Variants in ESR1 observed in about 807,000 individuals in gnomAD.
ESR1 encodes the protein estrogen receptor 1.
In ESR1, 12 loss-of-function variants were observed where a neutral mutation model predicts 52.7. The observed-to-expected ratio is 0.23, with a 90% CI of 0.15 to 0.37. The LOEUF (loss-of-function observed/expected upper bound fraction) is 0.37. ESR1 is among the 10% of genes least tolerant of loss of function. ESR1 has a pLI of 1.00. For synonymous variants in ESR1, 305 were observed against 316.8 expected (o/e 0.96, Z 0.39); for missense variants, 584 against 779.7 (o/e 0.75, Z 2.99).
At chr6:151,961,430 G>C (rs1157000277) in intron 4 of ESR1, among the ~76,000 whole-genome samples, 1 of 152,116 alleles carries the variant, frequency 6.6e-6, no homozygotes, top group Admixed American at 6.6e-5. Flanking sequence ...GGAGGGGGTG[G>C]AGATATACTT....
chr6:151,896,930 T>C (rs576836036), intron 3 of ESR1, among the ~76,000 whole-genome samples: 17 of 152,336 alleles, frequency 1.1e-4, no homozygotes, highest in Admixed American at 9.8e-4. Flanking sequence ...CTTGATTTCA[T>C]TGTTGACCCA....
At chr6:151,667,705 G>A (rs984135827) in intron 1 of ESR1, among the ~76,000 whole-genome samples, 1 of 152,170 alleles carries the variant, frequency 6.6e-6, no homozygotes, top group African/African-American at 2.4e-5. Flanking sequence ...TTGTTTGCAG[G>A]GAGAGGAAGA....
intron 2 of ESR1, among the ~76,000 whole-genome samples, chr6:151,750,731 GAT>G (rs1783837505): frequency 2.0e-5 from 3 of 152,198 alleles, no homozygotes; most frequent in East Asian, 1.9e-4. Flanking sequence ...AATTTTTGAA[GAT>G]ACGGGACTTG....
Position 151,714,011 on chromosome 6 carries a change from C to T in ESR1, c.-71+12006C>T, listed in dbSNP as rs1780830664. On this transcript the variant is annotated intron_variant, in intron 2 of 2. Transcript: ENST00000404742. ...AATTTCCCTCTAAACACTGCTTTAG[C>T]TGTGTCCCAGAGATTCTGGTATGTT... 3.3e-5 allele frequency among the ~76,000 whole-genome samples: 5 copies of T among 152,148 alleles called. 1 individual carries two copies.
intron 4 of ESR1, among the ~76,000 whole-genome samples, chr6:151,954,180 T>G (rs548420238): frequency 1.3e-5 from 2 of 152,354 alleles, no homozygotes; most frequent in Admixed American, 1.3e-4. Flanking sequence ...TCAATTCTGT[T>G]GCCTTGGTTA....
chr6:151,987,658 C>A (rs1244033400), intron 4 of ESR1, among the ~76,000 whole-genome samples: 1 of 152,128 alleles, frequency 6.6e-6, no homozygotes, highest in Admixed American at 6.5e-5. Context: ...TCTCATCCTG[C>A]AGCCTGGGTC....
At chr6:151,700,484 A>G (rs1779686873) in intron 1 of ESR1, among the ~76,000 whole-genome samples, 1 of 152,138 alleles carries the variant, frequency 6.6e-6, no homozygotes, top group Admixed American at 6.5e-5. Context: ...TAAAAACACA[A>G]CTACCAAAGT....
intron 6 of ESR1, among the ~76,000 whole-genome samples, chr6:152,120,470 G>A (rs1000891719): frequency 6.6e-6 from 1 of 152,136 alleles, no homozygotes; most frequent in African/African-American, 2.4e-5. Context: ...CGTGTTCCCT[G>A]TGGAACACGA....
chr6:152,052,295 G>A (rs1022557106), intron 5 of ESR1, among the ~76,000 whole-genome samples: 1 of 152,054 alleles, frequency 6.6e-6, no homozygotes, highest in African/African-American at 2.4e-5. Flanking sequence ...TCCAACACTG[G>A]GATCAAATTT....
At chr6:151,908,797 T>A (rs958657037) in intron 3 of ESR1, among the ~76,000 whole-genome samples, 8 of 152,114 alleles carry the variant, frequency 5.3e-5, no homozygotes, top group African/African-American at 1.9e-4. Context: ...AAACAAAAAC[T>A]TGTGCCCTAT....
chr6:151,711,923 A>T (rs1780643658), intron 2 of ESR1, among the ~76,000 whole-genome samples: 1 of 152,164 alleles, frequency 6.6e-6, no homozygotes, highest in Non-Finnish European at 1.5e-5. Flanking sequence ...GTCTTTGTCC[A>T]TGCCTGTGTC....
At chr6:151,957,942 A>G (rs2128584074) in intron 4 of ESR1, among the ~76,000 whole-genome samples, 1 of 152,300 alleles carries the variant, frequency 6.6e-6, no homozygotes, top group South Asian at 2.1e-4. Context: ...TTATCCTGGG[A>G]CAGGCTTACA....
chr6:152,125,414 A>G, exon 7 of ESR1: 1 of 1,501,360 alleles, frequency 6.7e-7, no homozygotes, highest in South Asian at 1.3e-5. Flanking sequence ...ACGTGGGGAC[A>G]TTTTGTTTTG....
intron 2 of ESR1, among the ~76,000 whole-genome samples, chr6:151,843,565 C>G (rs536292670): frequency 6.6e-6 from 1 of 152,244 alleles, no homozygotes; most frequent in East Asian, 1.9e-4. Flanking sequence ...GCTGAATATC[C>G]TTTATCTGAT....
At chr6:151,956,544 C>T (rs992375808) in intron 4 of ESR1, among the ~76,000 whole-genome samples, 1 of 152,014 alleles carries the variant, frequency 6.6e-6, no homozygotes, top group Non-Finnish European at 1.5e-5. Flanking sequence ...TTTATTTTCC[C>T]CATTGTATGC....
In ESR1 at chr6:151,780,402, G is replaced by T. The variant is rs181759218; in HGVS notation, c.-70-27441G>T. On this transcript the variant is annotated intron_variant, in intron 2 of 2. Transcript: ENST00000404742. ...AAAAAAAACCCTGCCTTTTGCTTTGGCAGTCATCATTCCTTCCATCTTCTC... is the reference window on the plus strand; with the variant it reads ...AAAAAAAACCCTGCCTTTTGCTTTGTCAGTCATCATTCCTTCCATCTTCTC... Among the ~76,000 whole-genome samples, 25 of 152,098 alleles carry T rather than the reference G, an allele frequency of 1.6e-4. No homozygotes were observed. The East Asian group carries it at 3.9e-3, about 23-fold the overall frequency.
At chr6:151,863,375 G>T (rs941167397) in intron 2 of ESR1, among the ~76,000 whole-genome samples, 2 of 152,120 alleles carry the variant, frequency 1.3e-5, no homozygotes, top group Non-Finnish European at 2.9e-5. Flanking sequence ...TTGTAAGGTG[G>T]ATTCCTAGGT....
chr6:151,840,279 A>T lies in ESR1; in HGVS notation c.453-2318A>T, dbSNP rs550470409. Among the ~76,000 whole-genome samples, 20 of 152,368 alleles carry T rather than the reference A, an allele frequency of 1.3e-4. No homozygotes were observed. The South Asian group carries it at 3.7e-3, about 28-fold the overall frequency. On this transcript the variant is annotated intron_variant, in intron 1 of 7. Transcript: ENST00000206249. ...CTTGAATCATGCATAGGATATTAGT[A>T]AACAAGCAATAAAAAGATTTGAGGT... is the stretch of plus-strand genomic sequence containing the variant.
At chr6:152,088,446 CTCA>C (rs2049918486) in intron 6 of ESR1, among the ~76,000 whole-genome samples, 1 of 152,184 alleles carries the variant, frequency 6.6e-6, no homozygotes, top group African/African-American at 2.4e-5. Flanking sequence ...CCTTCCAAAA[CTCA>C]TGTTGAAATT....
Sources: allele counts gnomAD v4.1 joint callset (sites outside exome capture counted in the v4.1 genomes callset), GRCh38; gene constraint gnomAD v4.1.1; transcripts MANE v1.5; gene names NCBI Gene and HGNC (gene_info 2026-07-23, HGNC 2026-07-21).